Variants in SMARCE1 observed in about 807,000 individuals in gnomAD.
The protein encoded by SMARCE1 is SWI/SNF related BAF chromatin remodeling complex subunit E1.
SMARCE1 carries 13 observed loss-of-function variants against 54.9 expected under a neutral mutation model. The observed-to-expected ratio is 0.24, with a 90% confidence interval of 0.15 to 0.38. The LOEUF (loss-of-function observed/expected upper bound fraction) is 0.38. SMARCE1 is among the 10% of genes least tolerant of loss of function. The pLI, the probability that SMARCE1 is intolerant of heterozygous loss-of-function variation, is 1.00. For synonymous variants in SMARCE1, 151 were observed against 175.3 expected, an observed-to-expected ratio of 0.86 and a Z score of 1.10; for missense variants, 295 against 523.8, an observed-to-expected ratio of 0.56 and a Z score of 4.26.
At chr17:40,647,741 C>A (rs1279730073) in intron 1 of SMARCE1, 32 bp downstream of exon 1, 2 of 152,890 alleles carry the variant, frequency 1.3e-5, no homozygotes, top group Admixed American at 6.5e-5. Context: ...TTGCACCCAC[C>A]GACCCGGTCC....
At chr17:40,640,833 C>T (rs1215402039) in intron 4 of SMARCE1, 1 of 152,158 alleles carries the variant, frequency 6.6e-6, no homozygotes, top group Non-Finnish European at 1.5e-5. Context: ...GTGTCCACGC[C>T]AAATGTTCAG....
At chr17:40,630,324 A>C (rs1478952058) in intron 10 of SMARCE1, 7 of 914,604 alleles carry the variant, frequency 7.7e-6, no homozygotes, top group Non-Finnish European at 1.2e-5. Context: ...TAGACTTCGC[A>C]GGCCAGGCAG....
chr17:40,645,902 G>A (rs1001627433), intron 1 of SMARCE1, 55 bp from the exon 2 acceptor site: 17 of 549,124 alleles, frequency 3.1e-5, no homozygotes, highest in African/African-American at 2.6e-4. Context: ...GCAAGCATAC[G>A]AGAATGTTTT....
chr17:40,645,503 C>T, intron 3 of SMARCE1, 73 bp downstream of exon 3: 1 of 837,626 alleles, frequency 1.2e-6, no homozygotes, highest in Non-Finnish European at 1.9e-6. Flanking sequence ...GAGTGACTGT[C>T]ACTGGAAGAC....
chr17:40,628,938 C>A lies in SMARCE1; in HGVS notation c.1083G>T (p.Thr361=). 1.2e-6 allele frequency: 2 copies of A among 1,613,790 alleles called. No individual in the cohort carries two copies. The highest frequency in any genetic ancestry group is 1.7e-6 in the Non-Finnish European group (2 of 1,179,812). Residue 361 remains threonine (T), a synonymous_variant, in exon 11 of 11, where the codon ACG becomes ACT. Coordinates refer to ENST00000348513, the MANE Select transcript of SMARCE1 (RefSeq NM_003079.5). ...TESQQNGEEG[T]STPEDKESGQ... ...CACTCTCCTTGTCCTCAGGAGTAGACGTGCCTTCTTCACCATTCTGTTGGC... is the reference window on the plus strand; with the variant it reads ...CACTCTCCTTGTCCTCAGGAGTAGAAGTGCCTTCTTCACCATTCTGTTGGC...
Position 40,632,059 on chromosome 17 carries a change from T to C in SMARCE1, c.714+136A>G, listed in dbSNP as rs1030386508. 1.1e-5 allele frequency: 8 copies of C among 704,596 alleles called. No individual in the cohort carries two copies. In the African/African-American group the frequency reaches 1.4e-4, roughly 13 times the overall value. 43.6% of individuals were successfully genotyped at this position (704,596 alleles called of 1,614,324 possible). A position where few individuals can be genotyped will look rare whatever the true frequency, so the allele number is the denominator to read the frequency against. ...AACATCTGGGAAAGGTCCACTTCCT[T>C]AAACCTCTTCTCCAAATCAGGAACA... On this transcript the variant is annotated intron_variant, in intron 8 of 10. Coordinates refer to ENST00000348513, the MANE Select transcript of SMARCE1 (RefSeq NM_003079.5).
rs756986009 is a variant in SMARCE1 at position 40,645,538 on chromosome 17, G to A, written c.51+38C>T. ...CATCTGGGTTTTTGTATCAAGGCCA[G>A]AGTTGGCTATTACATTAACAAGAAA... On this transcript the variant is annotated intron_variant, in intron 3 of 10. Coordinates refer to ENST00000348513, the MANE Select transcript of SMARCE1 (RefSeq NM_003079.5). 3 of 1,436,226 alleles carry A rather than the reference G, an allele frequency of 2.1e-6. No individual in the cohort carries two copies. The African/African-American group carries it at 4.4e-5, about 21-fold the overall frequency. The allele number at this position is 1,436,226 out of a possible 1,614,324, so 89.0% of individuals were successfully genotyped here.
In SMARCE1 at chr17:40,640,136, T is replaced by C. The variant is rs1225724868; in HGVS notation, c.156+2319A>G. On this transcript the variant is annotated intron_variant, in intron 4 of 10. Transcript: ENST00000348513. ...ATCTTGGTTACTCAGTTTTTTGTTG[T>C]TGTTTCTTTTGCAATTCTCAGCTGT... 14 of 152,248 alleles carry C rather than the reference T, an allele frequency of 9.2e-5. 1 individual carries two copies. The highest frequency in any genetic ancestry group is 8.5e-4 in the Admixed American group (13 of 15,290). The allele number at this position is 152,248 out of a possible 1,614,324, so 9.4% of individuals were successfully genotyped here.
At chr17:40,639,122 AAG>A (rs1411744120) in intron 4 of SMARCE1, among the ~76,000 whole-genome samples, 17 of 152,288 alleles carry the variant, frequency 1.1e-4, no homozygotes, top group African/African-American at 4.1e-4. Context: ...AGCAGTGGGT[AAG>A]AGAGTGAGAT....
rs191205185 is a variant in SMARCE1, at chr17:40,627,234, G to A, written c.*1551C>T. On this transcript the variant is annotated 3_prime_UTR_variant, in exon 11 of 11. Transcript: ENST00000348513. ...AGATGTCAAGAGTTGTTTCCACCCA[G>A]TATCAAGCTTCCTCCCCTCCTCTCT... The A allele has an allele frequency of 6.6e-6, 1 of 152,322 alleles. No homozygotes were observed. Among genetic ancestry groups the A allele is most frequent in the Non-Finnish European group, 1.5e-5 (1 of 68,040 alleles). 9.4% of individuals were successfully genotyped at this position (152,322 alleles called of 1,614,324 possible).
At chr17:40,636,919 A>G (rs1030344648) in intron 5 of SMARCE1, 3 of 163,112 alleles carry the variant, frequency 1.8e-5, no homozygotes, top group African/African-American at 7.2e-5. Context: ...TACAAATATA[A>G]TAGTCAAGAT....
At chr17:40,631,737 A>G in intron 8 of SMARCE1, 44 bp from the exon 9 acceptor site, 1 of 1,073,524 alleles carries the variant, frequency 9.3e-7, no homozygotes, top group Non-Finnish European at 1.4e-6. Flanking sequence ...TCATTTTTTA[A>G]TGGTCCATAC....
Position 40,642,343 on chromosome 17 carries a change from T to TA in SMARCE1, c.156+111dup, listed in dbSNP as rs767241190. 3.9e-6 allele frequency: 3 copies of TA among 763,646 alleles called. No homozygotes were observed. The highest frequency in any genetic ancestry group is 2.5e-5 in the East Asian group (1 of 40,354). 47.3% of individuals were successfully genotyped at this position (763,646 alleles called of 1,614,324 possible). On this transcript the variant is annotated intron_variant, in intron 4 of 10. Transcript: ENST00000348513. This position sits in a 1 kb window ranked among gnomAD's most constrained non-coding sequence, Gnocchi z 4.6. ...GTTGAAAATACTCAAAAAGCTAGGTTAAAAAATTTTTTTTAAATGGCTGTG... is the reference window on the plus strand; with the variant it reads ...GTTGAAAATACTCAAAAAGCTAGGTTAAAAAAATTTTTTTTAAATGGCTGTG...
chr17:40,633,300 GCACA>G (rs1335121601), intron 7 of SMARCE1: 1 of 152,068 alleles, frequency 6.6e-6, no homozygotes, highest in African/African-American at 2.4e-5. Context: ...GTGAGCCACT[GCACA>G]CACACTACAG....
Position 40,630,694 on chromosome 17 carries a change from G to A in SMARCE1, c.1027+20C>T, listed in dbSNP as rs755475324. ...TACAAAGTCTTGGCACTGCCTCTGCGTTTGTTGCTAGTGGGTTACCTGTCT... is the reference window on the plus strand; with the variant it reads ...TACAAAGTCTTGGCACTGCCTCTGCATTTGTTGCTAGTGGGTTACCTGTCT... On this transcript the variant is annotated intron_variant, in intron 10 of 10. Transcript: ENST00000348513. 13 of 1,602,300 alleles carry A rather than the reference G, an allele frequency of 8.1e-6. No homozygotes were observed. Among genetic ancestry groups the A allele is most frequent in the South Asian group, 4.4e-5 (4 of 90,840 alleles).
At chr17:40,645,519 G>A in intron 3 of SMARCE1, 57 bp downstream of exon 3, 1 of 1,103,406 alleles carries the variant, frequency 9.1e-7, no homozygotes. Context: ...AAGACATCTG[G>A]GTTTTTGTAT....
At position 40,628,898 on chromosome 17, in the gene SMARCE1, C is replaced by T. The variant is rs746301638; in HGVS notation, c.1123G>A (p.Asp375Asn). 2.7e-5 allele frequency: 43 copies of T among 1,613,692 alleles called. No homozygotes were observed. The highest frequency in any genetic ancestry group is 3.5e-5 in the Non-Finnish European group (41 of 1,179,794). The change falls in exon 11 of 11, where the codon GAC becomes AAC. Residue 375 changes from aspartate (D) to asparagine (N), a missense_variant. Physicochemically the swap from Asp to Asn is conservative, Grantham distance 23 (BLOSUM62 1). Around this residue, in one of 5 missense-constraint regions of SMARCE1, gnomAD observed 147 missense variants for 161.4 expected, o/e 0.91. Transcript: ENST00000348513. The part of the protein sequence containing the change: ...EDKESGQEGV[D>N]SMAEEGTSDS... The stretch of plus-strand genomic sequence containing the variant: ...CTGGTTCCTTCCTCTGCCATACTGT[C>T]GACCCCCTCCTGCCCACTCTCCTTG...
At chr17:40,632,099 A>G in intron 8 of SMARCE1, 96 bp downstream of exon 8, 1 of 961,182 alleles carries the variant, frequency 1.0e-6, no homozygotes, top group Non-Finnish European at 1.6e-6. Context: ...AGATTGACAT[A>G]TTTAACAGGT....
intron 7 of SMARCE1, 80 bp from the exon 8 acceptor site, chr17:40,632,447 C>A: frequency 8.0e-7 from 1 of 1,257,794 alleles, no homozygotes; most frequent in Non-Finnish European, 1.1e-6. Context: ...ACTTAATTAC[C>A]AACGAACTAT....
Sources: allele counts gnomAD v4.1 joint callset (sites outside exome capture counted in the v4.1 genomes callset), GRCh38; gene constraint gnomAD v4.1.1; regional missense constraint gnomAD v4.1.1; non-coding constraint Gnocchi (gnomAD v3.1); transcripts MANE v1.5; gene names NCBI Gene and HGNC (gene_info 2026-07-23, HGNC 2026-07-21).